Variants in TSPAN5 observed in about 807,000 individuals in gnomAD.
TSPAN5 encodes the protein tetraspanin-5.
In TSPAN5, 10 loss-of-function variants were observed where a neutral mutation model predicts 37.1. That is an observed-to-expected ratio of 0.27 (90% CI 0.17 to 0.46). The LOEUF (loss-of-function observed/expected upper bound fraction) is 0.46. TSPAN5 is among the 20% of genes least tolerant of loss of function. The probability of loss-of-function intolerance (pLI) is 1.00; values close to 1 mark genes in which losing one functional copy is unlikely to be tolerated. For synonymous variants in TSPAN5, 110 were observed against 118.9 expected, an observed-to-expected ratio of 0.93 and a Z score of 0.48; for missense variants, 195 against 326.6, an observed-to-expected ratio of 0.60 and a Z score of 3.11.
chr4:98,638,860 G>C (rs1756909469), intron 1 of TSPAN5, among the ~76,000 whole-genome samples: 1 of 152,216 alleles, frequency 6.6e-6, no homozygotes, highest in Admixed American at 6.5e-5. Context: ...GTTTACATCA[G>C]TCCAATGGAA....
chr4:98,517,566 G>T (rs1753762824), intron 1 of TSPAN5, among the ~76,000 whole-genome samples: 1 of 151,954 alleles, frequency 6.6e-6, no homozygotes, highest in Non-Finnish European at 1.5e-5. Context: ...TACAATCCAG[G>T]GACAGTCTTG....
chr4:98,586,268 C>A (rs1264617362), intron 1 of TSPAN5, among the ~76,000 whole-genome samples: 4 of 151,978 alleles, frequency 2.6e-5, no homozygotes, highest in African/African-American at 9.7e-5. Context: ...AAAATGTTAC[C>A]AAAATAATAC....
intron 1 of TSPAN5, among the ~76,000 whole-genome samples, chr4:98,557,864 G>A (rs1483843367): frequency 6.6e-6 from 1 of 152,138 alleles, no homozygotes; most frequent in Non-Finnish European, 1.5e-5. Context: ...ACAAATCTGA[G>A]GAACATTCCA....
chr4:98,522,175 A>G (rs1196392519), intron 1 of TSPAN5, among the ~76,000 whole-genome samples: 1 of 152,216 alleles, frequency 6.6e-6, no homozygotes, highest in Non-Finnish European at 1.5e-5. Flanking sequence ...TATGTGCCCA[A>G]CCCCCACATT....
intron 4 of TSPAN5, 37 bp from the exon 5 acceptor site, chr4:98,478,847 T>C (rs773317015): frequency 1.9e-6 from 3 of 1,606,958 alleles, no homozygotes; most frequent in Non-Finnish European, 1.7e-6. Context: ...CATCCCAACT[T>C]GGAGGCAAGC....
intron 1 of TSPAN5, among the ~76,000 whole-genome samples, chr4:98,537,575 A>G (rs1223700368): frequency 1.3e-5 from 2 of 152,250 alleles, no homozygotes; most frequent in Non-Finnish European, 2.9e-5. Context: ...CCCATTTTAC[A>G]GATGAGGACT....
intron 1 of TSPAN5, among the ~76,000 whole-genome samples, chr4:98,558,581 G>T (rs1754805406): frequency 6.6e-6 from 1 of 152,198 alleles, no homozygotes. Context: ...CTGCTTTTGA[G>T]GCTCTTGATT....
At chr4:98,474,000 C>A (rs1259455521) in intron 7 of TSPAN5, among the ~76,000 whole-genome samples, 1 of 152,118 alleles carries the variant, frequency 6.6e-6, no homozygotes, top group African/African-American at 2.4e-5. Context: ...TAGGAGTTAT[C>A]TTTTCACTGT....
chr4:98,614,872 A>C (rs758356007), intron 1 of TSPAN5, among the ~76,000 whole-genome samples: 11 of 152,226 alleles, frequency 7.2e-5, no homozygotes, highest in Non-Finnish European at 1.3e-4. Flanking sequence ...GAGGCCCTTC[A>C]TGAATGTCAG....
chr4:98,558,430 G>C (rs776159480), intron 1 of TSPAN5, among the ~76,000 whole-genome samples: 5 of 152,198 alleles, frequency 3.3e-5, no homozygotes, highest in Non-Finnish European at 7.3e-5. Context: ...ATTTAGAACA[G>C]AGATTATTAG....
At chr4:98,489,209 AC>A (rs372641988) in intron 2 of TSPAN5, among the ~76,000 whole-genome samples, 2 of 152,306 alleles carry the variant, frequency 1.3e-5, no homozygotes, top group African/African-American at 4.8e-5. Context: ...GAGAGACAGG[AC>A]TAGCTGGATT....
chr4:98,609,353 G>A (rs942555954), intron 1 of TSPAN5, among the ~76,000 whole-genome samples: 16 of 152,268 alleles, frequency 1.1e-4, no homozygotes, highest in East Asian at 1.9e-4. Flanking sequence ...ACCCAACCCC[G>A]ACCACTGGCT....
chr4:98,610,029 C>T (rs781288928), intron 1 of TSPAN5, among the ~76,000 whole-genome samples: 7 of 152,220 alleles, frequency 4.6e-5, no homozygotes, highest in South Asian at 2.1e-4. Flanking sequence ...GCAAAGGCCC[C>T]GGGCCTAGAC....
chr4:98,519,133 C>T (rs946913807), intron 1 of TSPAN5, among the ~76,000 whole-genome samples: 3 of 152,040 alleles, frequency 2.0e-5, no homozygotes, highest in Admixed American at 1.3e-4. Flanking sequence ...ATGGAGACAG[C>T]AGATGAAAAG....
chr4:98,611,140 C>T (rs555100731), intron 1 of TSPAN5, among the ~76,000 whole-genome samples: 254 of 152,258 alleles, frequency 1.7e-3, no homozygotes, highest in African/African-American at 2.1e-3. Flanking sequence ...CTCTGGACTA[C>T]GATCTGAGGA....
At chr4:98,611,089 T>G (rs575975570) in intron 1 of TSPAN5, among the ~76,000 whole-genome samples, 2 of 152,336 alleles carry the variant, frequency 1.3e-5, no homozygotes, top group Non-Finnish European at 2.9e-5. Context: ...CAGCCAGGCA[T>G]GGAGGAAGGC....
intron 1 of TSPAN5, among the ~76,000 whole-genome samples, chr4:98,545,413 T>C (rs1440001996): frequency 1.3e-5 from 2 of 152,250 alleles, no homozygotes; most frequent in East Asian, 3.8e-4. Context: ...TTCTGTCACT[T>C]AGAGCTGAAA....
intron 1 of TSPAN5, among the ~76,000 whole-genome samples, chr4:98,568,730 T>C (rs558644110): frequency 3.9e-5 from 6 of 152,298 alleles, no homozygotes; most frequent in African/African-American, 1.4e-4. Context: ...AAAGATAGCA[T>C]ACTGCTCTTA....
At chr4:98,625,621 G>T (rs1157551616) in intron 1 of TSPAN5, among the ~76,000 whole-genome samples, 1 of 152,144 alleles carries the variant, frequency 6.6e-6, no homozygotes, top group Non-Finnish European at 1.5e-5. Flanking sequence ...GCCAGATCTG[G>T]TCCACTCTAA....
Sources: allele counts gnomAD v4.1 joint callset (sites outside exome capture counted in the v4.1 genomes callset), GRCh38; gene constraint gnomAD v4.1.1; transcripts MANE v1.5; gene names NCBI Gene and HGNC (gene_info 2026-07-23, HGNC 2026-07-21).